The following REV3L variants were observed in gnomAD, a reference collection of about 807,000 sequenced individuals.
REV3L encodes the protein DNA polymerase zeta catalytic subunit.
In REV3L, 69 loss-of-function variants were observed where a neutral mutation model predicts 299.4. The ratio of observed to expected loss-of-function variants is 0.23; its 90% CI spans 0.19 to 0.28. The LOEUF is 0.28. Among genes scored for constraint, REV3L ranks in the 10% least tolerant of loss-of-function variants. REV3L has a pLI of 1.00. For missense variants in REV3L, 3,128 were observed against 3,693.8 expected (o/e 0.85, Z 3.97); for synonymous variants, 1,238 against 1,271.4 (o/e 0.97, Z 0.56).
At chr6:111,438,686 T>C (rs771068724) in intron 1 of REV3L, among the ~76,000 whole-genome samples, 2 of 152,196 alleles carry the variant, frequency 1.3e-5, no homozygotes, top group African/African-American at 2.4e-5. Context: ...CCTATAACTT[T>C]CATACATGAA....
At chr6:111,415,397 G>T (rs1048518630) in intron 2 of REV3L, among the ~76,000 whole-genome samples, 4 of 152,192 alleles carry the variant, frequency 2.6e-5, no homozygotes, top group African/African-American at 4.8e-5. Context: ...CAGTCATAGG[G>T]TAAGAGTAGC....
In REV3L at chr6:111,375,669, CTAT is replaced by C; in HGVS notation, c.2683_2685del (p.Ile895del). The C allele has an allele frequency of 6.2e-7, 1 of 1,613,964 alleles. No homozygotes were observed. Among genetic ancestry groups the C allele is most frequent in the Non-Finnish European group, 8.5e-7 (1 of 1,179,920 alleles). On this transcript the variant is annotated inframe_deletion, in exon 13 of 32. Coordinates refer to ENST00000368802, the MANE Select transcript of REV3L (RefSeq NM_001372078.1). ...AACGTTCCATCTCCAAAGTGACAGT[CTAT>C]AAAACCATCTGTGGGTGTTTTATTT...
intron 5 of REV3L, 158 bp downstream of exon 5, chr6:111,392,718 C>T (rs1782063891): frequency 8.0e-6 from 4 of 498,558 alleles, no homozygotes; most frequent in South Asian, 3.6e-5. Context: ...TCGTTTATTC[C>T]TTGTAATACA....
chr6:111,385,398 A>T (rs1034016516), intron 9 of REV3L, among the ~76,000 whole-genome samples: 1 of 152,026 alleles, frequency 6.6e-6, no homozygotes, highest in Non-Finnish European at 1.5e-5. Context: ...CACAAAAATT[A>T]AAAAAAATTT....
intron 5 of REV3L, among the ~76,000 whole-genome samples, chr6:111,391,931 G>A (rs1781976668): frequency 6.6e-6 from 1 of 152,234 alleles, no homozygotes; most frequent in African/African-American, 2.4e-5. Flanking sequence ...GGCGGTCGTA[G>A]TAAGCTGAGA....
At chr6:111,386,344 A>G (rs1241293322) in intron 9 of REV3L, among the ~76,000 whole-genome samples, 3 of 152,234 alleles carry the variant, frequency 2.0e-5, no homozygotes, top group Admixed American at 1.3e-4. Flanking sequence ...TGTTGACATA[A>G]AGATGCTCGA....
chr6:111,393,875 A>C (rs1034312450), intron 4 of REV3L, among the ~76,000 whole-genome samples: 1 of 152,096 alleles, frequency 6.6e-6, no homozygotes, highest in African/African-American at 2.4e-5. Flanking sequence ...AGAACATGTG[A>C]TATTTGTCTT....
chr6:111,482,571 T>G (rs1793880974), intron 1 of REV3L, among the ~76,000 whole-genome samples, 179 bp downstream of exon 1: 1 of 151,450 alleles, frequency 6.6e-6, no homozygotes, highest in Non-Finnish European at 1.5e-5. Flanking sequence ...CGGACCCACA[T>G]TTTTGCGGCT....
chr6:111,399,142 T>C (rs748566734), intron 4 of REV3L, among the ~76,000 whole-genome samples: 1 of 152,208 alleles, frequency 6.6e-6, no homozygotes, highest in Non-Finnish European at 1.5e-5. Context: ...TGGAAAAAAC[T>C]AATTATGAAA....
intron 1 of REV3L, among the ~76,000 whole-genome samples, chr6:111,466,926 G>A (rs908030798): frequency 6.6e-6 from 1 of 152,094 alleles, no homozygotes; most frequent in Admixed American, 6.6e-5. Context: ...TCAATAATTT[G>A]GTATTAAATG....
rs559337586 is a variant in REV3L at position 111,457,946 on chromosome 6, C to T, written c.139+24804G>A. ...CTAAAGATAGAGAAACTCTTAAAGA[C>T]GGCCAAAAGAAAAATAAATTAAATG... On this transcript the variant is annotated intron_variant, in intron 1 of 31. Coordinates refer to ENST00000368802, the MANE Select transcript of REV3L (RefSeq NM_001372078.1). Among the ~76,000 whole-genome samples the T allele has an allele frequency of 1.1e-4, 17 of 151,796 alleles. 1 individual carries two copies. Among genetic ancestry groups the T allele is most frequent in the African/African-American group, 2.2e-4 (9 of 41,452 alleles).
rs189062808 is a variant in REV3L, at chr6:111,367,149, A to G, written c.6639T>C (p.Leu2213=). The G allele has an allele frequency of 1.4e-4, 220 of 1,605,892 alleles. 2 individuals are homozygous for G. In the Middle Eastern group the frequency reaches 3.7e-3, roughly 27 times the overall value. ...ATGGGCTAAGGCCAGGTGCTTCAGG[A>G]AGCCTTTCCAGAAGTTTTCTCTGTA... ...PIIQRKLLER[L]PEAPGLSPLS... The change falls in exon 14 of 32, where the codon CTT becomes CTC. Residue 2213 remains leucine (L), a synonymous_variant. Transcript: ENST00000368802.
intron 1 of REV3L, chr6:111,472,076 A>C (rs1165687325): frequency 1.6e-6 from 2 of 1,250,116 alleles, no homozygotes; most frequent in African/African-American, 3.2e-5. Context: ...ATAGTTTTAA[A>C]ACAAATAATA....
chr6:111,404,954 CT>C (rs1783469976), intron 4 of REV3L, among the ~76,000 whole-genome samples: 1 of 152,062 alleles, frequency 6.6e-6, no homozygotes, highest in Admixed American at 6.6e-5. Context: ...GTCTGGAATG[CT>C]GAGAGACCAA....
chr6:111,307,250 C>T, intron 31 of REV3L, 111 bp downstream of exon 31: 1 of 856,640 alleles, frequency 1.2e-6, no homozygotes, highest in Non-Finnish European at 1.9e-6. Context: ...TTAGACTCTT[C>T]ATTTCACTTT....
intron 4 of REV3L, among the ~76,000 whole-genome samples, chr6:111,401,799 A>G (rs1408621854): frequency 1.3e-5 from 2 of 152,224 alleles, no homozygotes; most frequent in East Asian, 3.8e-4. Flanking sequence ...AGCATTGCAT[A>G]TAGCATCATT....
intron 9 of REV3L, among the ~76,000 whole-genome samples, chr6:111,385,231 T>TA (rs1781229949): frequency 6.6e-6 from 1 of 152,178 alleles, no homozygotes; most frequent in African/African-American, 2.4e-5. Context: ...TATTGTATAT[T>TA]AAAAAATAAC....
chr6:111,301,485 G>C (rs1315220717), intron 31 of REV3L, among the ~76,000 whole-genome samples: 1 of 150,626 alleles, frequency 6.6e-6, no homozygotes, highest in Non-Finnish European at 1.5e-5. Flanking sequence ...GTCACCCCCA[G>C]AGACCCAGCT....
intron 13 of REV3L, 63 bp downstream of exon 13, chr6:111,372,533 C>T: frequency 7.9e-7 from 1 of 1,263,032 alleles, no homozygotes. Context: ...TTTCAATCCC[C>T]ATAGCATAAT....
Sources: allele counts gnomAD v4.1 joint callset (sites outside exome capture counted in the v4.1 genomes callset), GRCh38; gene constraint gnomAD v4.1.1; transcripts MANE v1.5; gene names NCBI Gene and HGNC (gene_info 2026-07-23, HGNC 2026-07-21).